SSBP3: variants seen among roughly 807,000 people sequenced by gnomAD.
SSBP3 encodes the protein single stranded DNA binding protein 3.
In SSBP3, 5 loss-of-function variants were observed where a neutral mutation model predicts 69.6. The observed-to-expected ratio is 0.07, with a 90% CI of 0.04 to 0.15. SSBP3 has a LOEUF of 0.15. Among genes scored for constraint, SSBP3 ranks in the 10% least tolerant of loss-of-function variants. The pLI is 1.00. For synonymous variants in SSBP3, 196 were observed against 193.4 expected, an observed-to-expected ratio of 1.01 and a Z score of -0.11; for missense variants, 312 against 534.0, an observed-to-expected ratio of 0.58 and a Z score of 4.10.
chr1:54,302,458 T>C (rs56383265), intron 4 of SSBP3, among the ~76,000 whole-genome samples: 37,605 of 151,866 alleles, frequency 0.25, 5,386 homozygotes, highest in Middle Eastern at 0.38. Flanking sequence ...ATTACAGGCA[T>C]GCACCACCAC....
chr1:54,343,556 G>C (rs1251607342), intron 4 of SSBP3, among the ~76,000 whole-genome samples: 1 of 152,210 alleles, frequency 6.6e-6, no homozygotes, highest in Non-Finnish European at 1.5e-5. Context: ...GCCTCTGAAG[G>C]GGATCAGGGA....
chr1:54,289,368 AGAG>A (rs1268803176), intron 4 of SSBP3, among the ~76,000 whole-genome samples: 1 of 143,264 alleles, frequency 7.0e-6, no homozygotes, highest in Admixed American at 7.1e-5. Context: ...AATTACCCTG[AGAG>A]GAGGAGAAAC....
chr1:54,283,996 T>A (rs968776115), intron 4 of SSBP3, among the ~76,000 whole-genome samples: 6 of 152,174 alleles, frequency 3.9e-5, no homozygotes, highest in Non-Finnish European at 8.8e-5. Context: ...AAACTTTTTT[T>A]AAAAATGGGG....
rs1553132202 is a variant in SSBP3, at chr1:54,289,031, A to AAC, written c.277-7505_277-7504insGT. 9.2e-5 allele frequency among the ~76,000 whole-genome samples: 8 copies of AAC among 86,786 alleles called. 1 individual carries two copies. Among genetic ancestry groups the AAC allele is most frequent in the Non-Finnish European group, 1.1e-4 (5 of 47,444 alleles). 56.9% of individuals were successfully genotyped at this position (86,786 alleles called of 152,430 possible). A position where few individuals can be genotyped will look rare whatever the true frequency, so the allele number is the denominator to read the frequency against. ...CTAGACTCTGTCTCCAAAAAAAAAA[A>AAC]AAAAACAAAAAAACAAAAAAAAAAA... On this transcript the variant is annotated intron_variant, in intron 4 of 17. Coordinates refer to ENST00000610401, the Ensembl canonical transcript of SSBP3.
At chr1:54,351,466 G>A (rs559073022) in intron 4 of SSBP3, among the ~76,000 whole-genome samples, 2 of 152,272 alleles carry the variant, frequency 1.3e-5, no homozygotes, top group Admixed American at 6.5e-5. Context: ...AGTGACTCAC[G>A]GGCCCACCTA....
intron 4 of SSBP3, among the ~76,000 whole-genome samples, chr1:54,347,476 C>T (rs1206840584): frequency 2.0e-5 from 3 of 151,996 alleles, no homozygotes; most frequent in Non-Finnish European, 4.4e-5. Flanking sequence ...GCTGGGATTA[C>T]AGGCATTAGT....
intron 9 of SSBP3, among the ~76,000 whole-genome samples, chr1:54,248,388 C>T (rs1395178263): frequency 1.3e-5 from 2 of 152,232 alleles, no homozygotes; most frequent in Non-Finnish European, 2.9e-5. Context: ...CATTTCACAG[C>T]TGCTATTTCG....
At chr1:54,240,560 G>A (rs1644615821) in intron 13 of SSBP3, among the ~76,000 whole-genome samples, 1 of 150,982 alleles carries the variant, frequency 6.6e-6, no homozygotes, top group African/African-American at 2.4e-5. Context: ...GCATGCCTCA[G>A]AATCCTGGTC....
At chr1:54,316,653 A>AAAAAAAAAT (rs1557525011) in intron 4 of SSBP3, among the ~76,000 whole-genome samples, 8 of 53,862 alleles carry the variant, frequency 1.5e-4, no homozygotes, top group African/African-American at 9.0e-4. Context: ...GTCTCAAAAA[A>AAAAAAAAAT]AAAAAATAAA....
intron 4 of SSBP3, among the ~76,000 whole-genome samples, chr1:54,396,291 C>A (rs1648881354): frequency 6.7e-6 from 1 of 149,656 alleles, no homozygotes; most frequent in Non-Finnish European, 1.5e-5. Context: ...CTCCCAGCAA[C>A]ATGTATTAAA....
At chr1:54,325,861 G>T (rs759589684) in intron 4 of SSBP3, among the ~76,000 whole-genome samples, 1 of 152,046 alleles carries the variant, frequency 6.6e-6, no homozygotes, top group Non-Finnish European at 1.5e-5. Flanking sequence ...CCTCTTATCT[G>T]CGGACTTAAC....
chr1:54,386,901 C>A (rs1008404410), intron 4 of SSBP3, among the ~76,000 whole-genome samples: 2 of 151,708 alleles, frequency 1.3e-5, no homozygotes, highest in African/African-American at 4.8e-5. Context: ...TCCTGTCATC[C>A]CCAGCTACTT....
rs1224943207 is a variant in SSBP3, at chr1:54,289,034, A to AAC, written c.277-7508_277-7507insGT. ...GACTCTGTCTCCAAAAAAAAAAAAA[A>AAC]AACAAAAAAACAAAAAAAAAAAACA... On this transcript the variant is annotated intron_variant, in intron 4 of 17. Transcript: ENST00000610401. Among the ~76,000 whole-genome samples, 14 of 52,314 alleles carry AAC rather than the reference A, an allele frequency of 2.7e-4. 1 individual carries two copies. The highest frequency in any genetic ancestry group is 1.5e-3 in the African/African-American group (11 of 7,328). 34.3% of individuals were successfully genotyped at this position (52,314 alleles called of 152,430 possible). A position where few individuals can be genotyped will look rare whatever the true frequency, so the allele number is the denominator to read the frequency against.
intron 4 of SSBP3, among the ~76,000 whole-genome samples, chr1:54,382,133 G>A (rs553798772): frequency 6.6e-6 from 1 of 152,248 alleles, no homozygotes; most frequent in South Asian, 2.1e-4. Context: ...GGCAGAGGCT[G>A]CAGTGAGCCG....
chr1:54,232,560 T>C (rs979866263), intron 14 of SSBP3, among the ~76,000 whole-genome samples: 1 of 152,174 alleles, frequency 6.6e-6, no homozygotes, highest in Admixed American at 6.5e-5. Flanking sequence ...TGAGACCTCA[T>C]CTCTACATCA....
intron 7 of SSBP3, among the ~76,000 whole-genome samples, chr1:54,254,087 G>A (rs1029898703): frequency 2.0e-5 from 3 of 152,228 alleles, no homozygotes; most frequent in Non-Finnish European, 4.4e-5. Flanking sequence ...GAGGGCTGAA[G>A]CCCTCAAACT....
exon 1 of SSBP3, chr1:54,406,155 C>T (rs1236254631): frequency 3.7e-6 from 2 of 538,224 alleles, no homozygotes; most frequent in East Asian, 7.4e-5. Context: ...TCGCCGCGCT[C>T]CCCTCCCTCC....
chr1:54,338,183 C>T (rs1042079063), intron 4 of SSBP3, among the ~76,000 whole-genome samples: 1 of 152,242 alleles, frequency 6.6e-6, no homozygotes, highest in Non-Finnish European at 1.5e-5. Flanking sequence ...GTCCAGGTGT[C>T]CCTCTCCTGT....
chr1:54,395,930 C>T (rs191534520), intron 4 of SSBP3, among the ~76,000 whole-genome samples: 3,813 of 152,274 alleles, frequency 0.025, 77 homozygotes, highest in Non-Finnish European at 0.033. Context: ...CGGTGGCTCA[C>T]GCCTGCAATC....
Sources: allele counts gnomAD v4.1 joint callset (sites outside exome capture counted in the v4.1 genomes callset), GRCh38; gene constraint gnomAD v4.1.1; transcripts MANE v1.5; gene names NCBI Gene and HGNC (gene_info 2026-07-23, HGNC 2026-07-21).